Variants in SH3D19 observed in about 807,000 individuals in gnomAD.
SH3D19 encodes SH3 domain containing 19, also known as SH3 domain-containing protein 19.
Under a neutral mutation model 112.1 loss-of-function variants are expected in SH3D19, and 58 were observed. The ratio of observed to expected loss-of-function variants is 0.52; its 90% CI spans 0.42 to 0.64. SH3D19 has a LOEUF of 0.64. Ranked by LOEUF, SH3D19 falls within the 30% of genes least tolerant of loss-of-function variation. SH3D19 has a pLI of 0.00. For synonymous variants in SH3D19, 391 were observed against 448.5 expected (o/e 0.87, Z 1.62); for missense variants, 1,090 against 1,263.4 (o/e 0.86, Z 2.08).
At chr4:151,222,606 A>G (rs71618365) in intron 2 of SH3D19, among the ~76,000 whole-genome samples, 13 of 126,390 alleles carry the variant, frequency 1.0e-4, no homozygotes, top group Non-Finnish European at 2.2e-4. Context: ...TTAGTCCTAG[A>G]TTTTTTTTTT....
At chr4:151,242,445 CAT>C (rs1770640774) in intron 1 of SH3D19, among the ~76,000 whole-genome samples, 1 of 152,164 alleles carries the variant, frequency 6.6e-6, no homozygotes, top group Non-Finnish European at 1.5e-5. Context: ...GGATAAATAA[CAT>C]GCGCAGAGTC....
chr4:151,222,999 C>T (rs1768346199), intron 2 of SH3D19, among the ~76,000 whole-genome samples: 1 of 127,584 alleles, frequency 7.8e-6, no homozygotes, highest in East Asian at 2.6e-4. Context: ...AATATTCTCC[C>T]AGCCTTTTTT....
chr4:151,224,843 G>A (rs1315761608), intron 2 of SH3D19, among the ~76,000 whole-genome samples: 3 of 152,092 alleles, frequency 2.0e-5, no homozygotes, highest in Non-Finnish European at 4.4e-5. Flanking sequence ...CACCATGCCT[G>A]GCTGCTATTT....
chr4:151,261,234 A>G (rs1772356549), intron 1 of SH3D19: 1 of 152,234 alleles, frequency 6.6e-6, no homozygotes, highest in Admixed American at 6.5e-5. Context: ...CAGAGTCACA[A>G]GAAACCCACG....
chr4:151,319,410 T>C (rs1412652029), intron 1 of SH3D19, among the ~76,000 whole-genome samples: 2 of 152,226 alleles, frequency 1.3e-5, no homozygotes, highest in Non-Finnish European at 2.9e-5. Flanking sequence ...AATCTACTCA[T>C]AGTTTCCATG....
At chr4:151,268,966 T>C (rs1773028311) in intron 1 of SH3D19, among the ~76,000 whole-genome samples, 1 of 152,218 alleles carries the variant, frequency 6.6e-6, no homozygotes, top group Non-Finnish European at 1.5e-5. Context: ...AGTAATGGGA[T>C]GGCTGGGTCA....
chr4:151,269,363 T>C (rs1355824685), intron 1 of SH3D19, among the ~76,000 whole-genome samples: 1 of 152,182 alleles, frequency 6.6e-6, no homozygotes, highest in African/African-American at 2.4e-5. Context: ...GATGAGTAGG[T>C]TGCGAAAATT....
At chr4:151,169,657 C>T (rs574435870) in intron 7 of SH3D19, among the ~76,000 whole-genome samples, 1 of 152,248 alleles carries the variant, frequency 6.6e-6, no homozygotes, top group East Asian at 1.9e-4. Flanking sequence ...GCAAGGCTGG[C>T]ACCTCATATT....
At chr4:151,277,938 G>A (rs1773804742) in intron 1 of SH3D19, among the ~76,000 whole-genome samples, 1 of 152,100 alleles carries the variant, frequency 6.6e-6, no homozygotes, top group Non-Finnish European at 1.5e-5. Context: ...CTACTCAATA[G>A]ACTGAGGCAG....
At chr4:151,154,547 T>TG (rs1473687920) in intron 9 of SH3D19, among the ~76,000 whole-genome samples, 2 of 149,810 alleles carry the variant, frequency 1.3e-5, no homozygotes, top group East Asian at 2.0e-4. Flanking sequence ...CCCAAAGTGC[T>TG]GGATTACAGG....
chr4:151,210,922 G>T (rs1208984754), intron 2 of SH3D19, among the ~76,000 whole-genome samples: 1 of 152,028 alleles, frequency 6.6e-6, no homozygotes, highest in Middle Eastern at 3.4e-3. Context: ...CTGTCACCCA[G>T]GCTGGAGTAT....
At chr4:151,297,455 G>A (rs1259304770) in intron 1 of SH3D19, among the ~76,000 whole-genome samples, 1 of 152,208 alleles carries the variant, frequency 6.6e-6, no homozygotes, top group Non-Finnish European at 1.5e-5. Flanking sequence ...AGGGCCTATG[G>A]CTCCAGAATG....
intron 1 of SH3D19, among the ~76,000 whole-genome samples, chr4:151,301,148 A>G (rs1728374654): frequency 6.6e-6 from 1 of 152,244 alleles, no homozygotes; most frequent in Admixed American, 6.5e-5. Context: ...TGATTGGATC[A>G]TGGGAGTAGC....
intron 9 of SH3D19, among the ~76,000 whole-genome samples, chr4:151,155,662 G>A (rs1755965090): frequency 6.6e-6 from 1 of 152,150 alleles, no homozygotes; most frequent in South Asian, 2.1e-4. Flanking sequence ...GAGGCGGATG[G>A]ACCATTTGAG....
At chr4:151,236,145 G>C (rs896005699) in intron 1 of SH3D19, among the ~76,000 whole-genome samples, 1 of 152,256 alleles carries the variant, frequency 6.6e-6, no homozygotes, top group Admixed American at 6.5e-5. Context: ...CGCTCTGGCC[G>C]CGCTGGAGGA....
At chr4:151,184,954 G>C (rs1422484187) in intron 3 of SH3D19, among the ~76,000 whole-genome samples, 1 of 151,008 alleles carries the variant, frequency 6.6e-6, no homozygotes, top group East Asian at 1.9e-4. Context: ...CTTTTGCTTG[G>C]CCTGGTTTAG....
intron 1 of SH3D19, among the ~76,000 whole-genome samples, chr4:151,228,290 A>G (rs1057483439): frequency 2.0e-5 from 3 of 152,230 alleles, no homozygotes; most frequent in African/African-American, 7.2e-5. Flanking sequence ...GAATTCACAT[A>G]GTTGATAATT....
chr4:151,199,641 T>G (rs1202167033), intron 2 of SH3D19, among the ~76,000 whole-genome samples: 1 of 152,138 alleles, frequency 6.6e-6, no homozygotes, highest in Non-Finnish European at 1.5e-5. Context: ...ACTGGAAGCA[T>G]TTTATTCAGC....
chr4:151,150,201 AAAAAAAT>A lies in SH3D19; in HGVS notation c.1756-647_1756-641del, dbSNP rs1472582688. Among the ~76,000 whole-genome samples, 4 of 69,494 alleles carry A rather than the reference AAAAAAAT, an allele frequency of 5.8e-5. 1 individual carries two copies. Among genetic ancestry groups the A allele is most frequent in the African/African-American group, 1.6e-4 (4 of 24,290 alleles). The allele number at this position is 69,494 out of a possible 152,430, so 45.6% of individuals were successfully genotyped here. A position where few individuals can be genotyped will look rare whatever the true frequency, so the allele number is the denominator to read the frequency against. ...CTCCATCTCAAAAAAAAAAAAAAAAAAAAAAATATATATATATATATATATATACACA... is the reference window on the plus strand; with the variant it reads ...CTCCATCTCAAAAAAAAAAAAAAAAAATATATATATATATATATATACACA... On this transcript the variant is annotated intron_variant, in intron 9 of 19. Transcript: ENST00000604030.
Sources: allele counts gnomAD v4.1 joint callset (sites outside exome capture counted in the v4.1 genomes callset), GRCh38; gene constraint gnomAD v4.1.1; transcripts MANE v1.5; gene names NCBI Gene and HGNC (gene_info 2026-07-23, HGNC 2026-07-21).